Variants in RGS6 observed in about 807,000 individuals in gnomAD.
RGS6 encodes regulator of G protein signaling 6.
A neutral mutation model predicts 78.5 loss-of-function variants in RGS6; 30 were observed. The observed-to-expected ratio is 0.38, with a 90% CI of 0.29 to 0.52. RGS6 has a LOEUF of 0.52. RGS6 is among the 20% of genes least tolerant of loss of function. The pLI is 0.85. For missense variants in RGS6, 495 were observed against 609.7 expected (o/e 0.81, Z 1.98); for synonymous variants, 206 against 206.0 (o/e 1.00, Z 0.00).
chr14:72,455,155 G>A (rs929043016), intron 4 of RGS6, among the ~76,000 whole-genome samples: 1 of 151,878 alleles, frequency 6.6e-6, no homozygotes, highest in Admixed American at 6.6e-5. Context: ...TAGGAAATGG[G>A]GGGGGTGTTC....
At chr14:72,621,010 G>A in the RGS6 span, among the ~76,000 whole-genome samples, 601 of 152,066 alleles carry the variant, frequency 4.0e-3, 9 homozygotes, top group African/African-American at 0.013. Flanking sequence ...GCATGGTGGC[G>A]TGCACCTGTA....
chr14:72,438,655 CTTGATTT>C (rs1239119821), intron 3 of RGS6, among the ~76,000 whole-genome samples: 2 of 152,240 alleles, frequency 1.3e-5, no homozygotes, highest in Admixed American at 1.3e-4. Flanking sequence ...ATTTGCTTCT[CTTGATTT>C]CACCATATCA....
chr14:72,363,252 G>A (rs1333602829), intron 3 of RGS6, among the ~76,000 whole-genome samples: 3 of 152,232 alleles, frequency 2.0e-5, no homozygotes, highest in Admixed American at 2.0e-4. Context: ...CCATGAAGTG[G>A]ATGGAAGTTT....
intron 2 of RGS6, among the ~76,000 whole-genome samples, chr14:72,279,232 G>C (rs947446315): frequency 4.6e-5 from 7 of 152,134 alleles, no homozygotes; most frequent in African/African-American, 1.7e-4. Flanking sequence ...ACTCAGATCA[G>C]TTCTTGCTGC....
intron 3 of RGS6, among the ~76,000 whole-genome samples, chr14:72,359,944 A>C (rs950523314): frequency 5.9e-5 from 9 of 152,186 alleles, no homozygotes; most frequent in Non-Finnish European, 1.3e-4. Flanking sequence ...GAGTGATTCG[A>C]GGTGCTAAGA....
intron 2 of RGS6, among the ~76,000 whole-genome samples, chr14:72,256,854 T>G (rs1014222157): frequency 6.6e-6 from 1 of 152,220 alleles, no homozygotes; most frequent in Non-Finnish European, 1.5e-5. Flanking sequence ...TACTCAGTTG[T>G]ATAATTTCAT....
intron 3 of RGS6, among the ~76,000 whole-genome samples, chr14:72,415,245 G>T (rs1000110423): frequency 9.2e-5 from 14 of 152,220 alleles, no homozygotes; most frequent in African/African-American, 3.4e-4. Flanking sequence ...AATGGCGGGT[G>T]CCCCTCCTCC....
At chr14:71,944,499 A>T (rs977031869) in intron 1 of RGS6, among the ~76,000 whole-genome samples, 1 of 152,190 alleles carries the variant, frequency 6.6e-6, no homozygotes, top group Admixed American at 6.5e-5. Context: ...TGGAGAGATG[A>T]TAGGAATAAA....
chr14:71,939,652 C>A lies in RGS6; in HGVS notation c.-21+6711C>A, dbSNP rs112449252. 7.7e-3 allele frequency among the ~76,000 whole-genome samples: 1,180 copies of A among 152,328 alleles called. 14 individuals carry two copies. The highest frequency in any genetic ancestry group is 0.027 in the African/African-American group (1,133 of 41,568). ...AAGTACTAGGAGATGTGTTAATTTG[C>A]TCAAGCAATGAAACCACATCTGGTA... is the stretch of plus-strand genomic sequence containing the variant. On this transcript the variant is annotated intron_variant, in intron 1 of 17. Transcript: ENST00000553525.
intron 3 of RGS6, among the ~76,000 whole-genome samples, chr14:72,418,254 C>A (rs963985846): frequency 1.3e-5 from 2 of 152,002 alleles, no homozygotes; most frequent in Non-Finnish European, 2.9e-5. Context: ...GCAACCTCCA[C>A]CTCCCGGGTT....
chr14:72,018,778 T>G (rs943837246), intron 2 of RGS6, among the ~76,000 whole-genome samples: 4 of 152,170 alleles, frequency 2.6e-5, no homozygotes, highest in Non-Finnish European at 5.9e-5. Context: ...GTTTCTCTCC[T>G]TCTCCCTCAC....
At chr14:71,925,473 T>A in the RGS6 span, among the ~76,000 whole-genome samples, 10 of 152,162 alleles carry the variant, frequency 6.6e-5, no homozygotes, top group Non-Finnish European at 1.5e-4. Flanking sequence ...AACAAACTTA[T>A]CGCTCAGGCC....
At chr14:72,571,013 C>T (rs186335044), downstream of RGS6, among the ~76,000 whole-genome samples, 1 of 152,218 alleles carries the variant, frequency 6.6e-6, no homozygotes, top group East Asian at 1.9e-4. Context: ...TTGTACATTT[C>T]CTCTCCCATA....
At position 72,395,681 on chromosome 14, in the gene RGS6, C is replaced by T. The variant is rs555448795; in HGVS notation, c.184+43487C>T. Among the ~76,000 whole-genome samples, 32 of 152,162 alleles carry T rather than the reference C, an allele frequency of 2.1e-4. No individual in the cohort carries two copies. The South Asian group carries it at 6.2e-3, about 30-fold the overall frequency. ...TATATCTCCTAATGCTATCCCTCCCCTTCCCCCCACCCCACAACAGGCCCC... is the reference window on the plus strand; with the variant it reads ...TATATCTCCTAATGCTATCCCTCCCTTTCCCCCCACCCCACAACAGGCCCC... On this transcript the variant is annotated intron_variant, in intron 3 of 17. Transcript: ENST00000553525.
At position 72,049,064 on chromosome 14, in the gene RGS6, C is replaced by T. The variant is rs114221050; in HGVS notation, c.84+84189C>T. ...CCATAATTGAAAGTCAGGATTTTAT[C>T]TTCTCAGTTGGAAAGTAGAAGAGAA... On this transcript the variant is annotated intron_variant, in intron 2 of 17. Transcript: ENST00000553525. Among the ~76,000 whole-genome samples the T allele has an allele frequency of 4.1e-3, 624 of 152,224 alleles. 2 individuals are homozygous for T. Among genetic ancestry groups the T allele is most frequent in the African/African-American group, 0.015 (607 of 41,534 alleles).
chr14:72,325,299 A>G (rs2152540020), intron 2 of RGS6, among the ~76,000 whole-genome samples: 1 of 152,204 alleles, frequency 6.6e-6, no homozygotes, highest in East Asian at 1.9e-4. Context: ...CCCATTCTGT[A>G]TGTTGCCTGT....
intron 2 of RGS6, among the ~76,000 whole-genome samples, chr14:72,083,922 A>G (rs1025418828): frequency 6.6e-6 from 1 of 152,182 alleles, no homozygotes; most frequent in African/African-American, 2.4e-5. Context: ...CAAGCTTCAC[A>G]GAGAGGTTCA....
chr14:72,237,872 G>A (rs8022968), intron 2 of RGS6, among the ~76,000 whole-genome samples: 50,416 of 151,844 alleles, frequency 0.33, 9,200 homozygotes, highest in South Asian at 0.46. Flanking sequence ...GTGTTACAAC[G>A]CTCATAGCAG....
chr14:72,476,968 G>A (rs1226223385), intron 11 of RGS6, 128 bp downstream of exon 11: 7 of 755,526 alleles, frequency 9.3e-6, no homozygotes, highest in African/African-American at 1.7e-5. Flanking sequence ...CCAGCTGTGG[G>A]TGATTGAACC....
Sources: gnomAD v4.1 joint callset for allele counts (sites outside exome capture counted in the v4.1 genomes callset) on GRCh38, gnomAD v4.1.1 for gene constraint, MANE v1.5 for transcripts, NCBI Gene and HGNC (gene_info 2026-07-23, HGNC 2026-07-21) for gene names.